RUFY3: variants seen among roughly 807,000 people sequenced by gnomAD.
RUFY3 encodes protein RUFY3.
In RUFY3, 34 loss-of-function variants were observed where a neutral mutation model predicts 84.0. That is an observed-to-expected ratio of 0.40 (90% CI 0.31 to 0.54). The LOEUF (loss-of-function observed/expected upper bound fraction) is 0.54. Among genes scored for constraint, RUFY3 ranks in the 20% least tolerant of loss-of-function variants. The pLI, the probability that RUFY3 is intolerant of heterozygous loss-of-function variation, is 0.39. For missense variants in RUFY3, 507 were observed against 736.8 expected, an observed-to-expected ratio of 0.69 and a Z score of 3.61; for synonymous variants, 242 against 252.9, an observed-to-expected ratio of 0.96 and a Z score of 0.41.
intron 1 of RUFY3, among the ~76,000 whole-genome samples, chr4:70,733,152 GAGAGAGAGAGAGAGAA>G: frequency 6.8e-6 from 1 of 147,504 alleles, no homozygotes; most frequent in African/African-American, 2.6e-5. Context: ...GAGAGAGAGA[GAGAGAGAGAGAGAGAA>G]AGAAAGAAAG....
intron 1 of RUFY3, among the ~76,000 whole-genome samples, chr4:70,716,408 A>C (rs949050006): frequency 6.6e-6 from 1 of 152,082 alleles, no homozygotes; most frequent in Non-Finnish European, 1.5e-5. Context: ...AGCCTCCCGA[A>C]GTGCTGGGAT....
At chr4:70,773,200 G>C (rs1727279379) in intron 5 of RUFY3, among the ~76,000 whole-genome samples, 1 of 152,124 alleles carries the variant, frequency 6.6e-6, no homozygotes. Context: ...AAAATGAACA[G>C]GGATTCAGTA....
intron 14 of RUFY3, among the ~76,000 whole-genome samples, chr4:70,795,402 A>G (rs1054977793): frequency 6.6e-6 from 1 of 152,174 alleles, no homozygotes; most frequent in Non-Finnish European, 1.5e-5. Context: ...GGAAGGTAAT[A>G]CAGAATAAAG....
At chr4:70,743,051 CTAT>C (rs747036792) in intron 1 of RUFY3, among the ~76,000 whole-genome samples, 25 of 151,518 alleles carry the variant, frequency 1.6e-4, no homozygotes, top group Non-Finnish European at 1.5e-4. Flanking sequence ...GTGTTAGCTG[CTAT>C]TATTATTATT....
chr4:70,748,252 A>G (rs76659351), intron 1 of RUFY3, among the ~76,000 whole-genome samples: 1,588 of 151,988 alleles, frequency 0.01, 26 homozygotes, highest in South Asian at 0.056. Context: ...ACTCTACCCT[A>G]CCTGTGTTTT....
intron 10 of RUFY3, among the ~76,000 whole-genome samples, chr4:70,787,168 G>GAAAAAAAAAAA (rs71211959): frequency 1.9e-5 from 1 of 53,000 alleles, no homozygotes; most frequent in African/African-American, 8.7e-5. Context: ...CCCTGTCTCA[G>GAAAAAAAAAAA]AAAAAAAAAA....
chr4:70,793,374 G>C, intron 12 of RUFY3: 1 of 1,028,770 alleles, frequency 9.7e-7, no homozygotes, highest in Non-Finnish European at 1.2e-6. Flanking sequence ...TTCCAGTTAT[G>C]TGTGTAAAAC....
chr4:70,790,862 G>A (rs971963483), intron 12 of RUFY3, among the ~76,000 whole-genome samples: 1 of 152,156 alleles, frequency 6.6e-6, no homozygotes, highest in Non-Finnish European at 1.5e-5. Flanking sequence ...CTGAACAGCA[G>A]TGCATATTAA....
intron 10 of RUFY3, among the ~76,000 whole-genome samples, chr4:70,787,223 T>C (rs1730037621): frequency 7.5e-6 from 1 of 133,646 alleles, no homozygotes; most frequent in African/African-American, 2.8e-5. Context: ...TAAAAACAAA[T>C]TGACAGTATA....
intron 7 of RUFY3, among the ~76,000 whole-genome samples, 175 bp downstream of exon 7, chr4:70,775,408 G>A (rs1727762373): frequency 6.6e-6 from 1 of 151,506 alleles, no homozygotes; most frequent in Non-Finnish European, 1.5e-5. Context: ...AACAGTTTTG[G>A]TGACCTTTAG....
intron 5 of RUFY3, among the ~76,000 whole-genome samples, chr4:70,769,421 C>T (rs1466172337): frequency 3.3e-5 from 5 of 152,124 alleles, no homozygotes. Context: ...AATGTACATA[C>T]CTTAACTTAA....
intron 1 of RUFY3, among the ~76,000 whole-genome samples, chr4:70,757,332 C>A (rs140329325): frequency 1.3e-5 from 2 of 151,742 alleles, no homozygotes; most frequent in East Asian, 3.9e-4. Context: ...GGGCCGGGCG[C>A]GGTGGTTCAT....
intron 12 of RUFY3, among the ~76,000 whole-genome samples, chr4:70,790,475 T>A (rs779905459): frequency 1.9e-4 from 29 of 152,182 alleles, no homozygotes; most frequent in Non-Finnish European, 3.7e-4. Context: ...ATTAGAAATG[T>A]CCTAATTCTT....
intron 15 of RUFY3, among the ~76,000 whole-genome samples, chr4:70,801,466 T>A (rs1236180077): frequency 6.6e-6 from 1 of 152,152 alleles, no homozygotes; most frequent in East Asian, 1.9e-4. Flanking sequence ...ATGTGGGAAG[T>A]CTCTGTACTT....
chr4:70,763,487 G>A (rs1725369629), intron 2 of RUFY3, 65 bp from the exon 3 acceptor site: 2 of 1,211,244 alleles, frequency 1.7e-6, no homozygotes, highest in Admixed American at 2.0e-5. Context: ...GTATGTGTGT[G>A]TGTATTGAGA....
At chr4:70,775,944 CAA>C (rs11369578) in intron 7 of RUFY3, among the ~76,000 whole-genome samples, 30 of 132,272 alleles carry the variant, frequency 2.3e-4, no homozygotes, top group African/African-American at 9.4e-4. Flanking sequence ...CTGTCTTAAA[CAA>C]AAAAAAAAAA....
chr4:70,751,959 T>G (rs568450906), intron 1 of RUFY3, among the ~76,000 whole-genome samples: 1 of 152,306 alleles, frequency 6.6e-6, no homozygotes, highest in African/African-American at 2.4e-5. Context: ...TTTTGTAATT[T>G]TAGTAGAGAT....
Position 70,807,607 on chromosome 4 carries a change from T to C in RUFY3, c.*948T>C, listed in dbSNP as rs1055543836. Among the ~76,000 whole-genome samples, 16 of 151,984 alleles carry C rather than the reference T, an allele frequency of 1.1e-4. No individual in the cohort carries two copies. Among genetic ancestry groups the C allele is most frequent in the Non-Finnish European group, 2.9e-5 (2 of 67,992 alleles). On this transcript the variant is annotated 3_prime_UTR_variant, in exon 18 of 18. Coordinates refer to ENST00000381006, the MANE Select transcript of RUFY3 (RefSeq NM_001037442.4). Reference sequence around the variant, plus strand: ...GCAATCACAGCTCACTGAATCCCTGTTCTCCCGGGCCTCAAGCAATCTTCC... The same window carrying C: ...GCAATCACAGCTCACTGAATCCCTGCTCTCCCGGGCCTCAAGCAATCTTCC...
intron 8 of RUFY3, among the ~76,000 whole-genome samples, 168 bp from the exon 9 acceptor site, chr4:70,782,923 G>T (rs935321670): frequency 1.3e-5 from 2 of 151,966 alleles, no homozygotes; most frequent in African/African-American, 2.4e-5. Flanking sequence ...GAAAAATAAA[G>T]AAAAATATTT....
Sources: allele counts gnomAD v4.1 joint callset (sites outside exome capture counted in the v4.1 genomes callset), GRCh38; gene constraint gnomAD v4.1.1; transcripts MANE v1.5; gene names NCBI Gene and HGNC (gene_info 2026-07-23, HGNC 2026-07-21).